The following CRISPLD1 variants were observed in gnomAD, a reference collection of about 807,000 sequenced individuals.
CRISPLD1 encodes cysteine-rich secretory protein LCCL domain-containing 1.
In CRISPLD1, 60 loss-of-function variants were observed where a neutral mutation model predicts 77.5. The ratio of observed to expected loss-of-function variants is 0.77; its 90% CI spans 0.63 to 0.96. CRISPLD1 has a LOEUF of 0.96. Ranked by LOEUF, CRISPLD1 falls within the 40% of genes least tolerant of loss-of-function variation. The probability of loss-of-function intolerance (pLI) is 0.00; values close to 1 mark genes in which losing one functional copy is unlikely to be tolerated. For missense variants in CRISPLD1, 623 were observed against 615.8 expected (o/e 1.01, Z -0.12); for synonymous variants, 195 against 200.1 (o/e 0.97, Z 0.22).
chr8:75,024,061 CCATG>C (rs1269454417), intron 12 of CRISPLD1, among the ~76,000 whole-genome samples: 1 of 152,124 alleles, frequency 6.6e-6, no homozygotes, highest in Non-Finnish European at 1.5e-5. Context: ...GAAGTGCATT[CCATG>C]CAGAGAGGAA....
chr8:74,996,075 A>G (rs1812642588), intron 2 of CRISPLD1, among the ~76,000 whole-genome samples: 2 of 150,652 alleles, frequency 1.3e-5, no homozygotes, highest in Non-Finnish European at 3.0e-5. Context: ...TGTGTTTTAT[A>G]TATATATACA....
chr8:75,019,942 A>T, intron 11 of CRISPLD1, 29 bp downstream of exon 11: 2 of 1,609,514 alleles, frequency 1.2e-6, no homozygotes, highest in Non-Finnish European at 8.5e-7. Flanking sequence ...TTATTTTCTT[A>T]GTACTGTGTA....
At chr8:75,008,628 A>T (rs900217898) in intron 2 of CRISPLD1, among the ~76,000 whole-genome samples, 3 of 152,146 alleles carry the variant, frequency 2.0e-5, no homozygotes, top group African/African-American at 7.2e-5. Context: ...ATAAAGAACT[A>T]AATTTTAGTT....
At position 75,012,978 on chromosome 8, in the gene CRISPLD1, T is replaced by C; in HGVS notation, c.466T>C (p.Cys156Arg). 6.2e-7 allele frequency: 1 copy of C among 1,612,814 alleles called. No homozygotes were observed. Among genetic ancestry groups the C allele is most frequent in the Non-Finnish European group, 8.5e-7 (1 of 1,179,178 alleles). Residue 156 changes from cysteine (C) to arginine (R), a missense_variant, in exon 4 of 15, where the codon TGT becomes CGT. Coordinates refer to ENST00000262207, the MANE Select transcript of CRISPLD1 (RefSeq NM_031461.6). ...ATATGAACATGAATGCAACCCATAT[T>C]GTCCATTCAGGTGTTCTGGCCCTGT... ...YPYEHECNPY[C>R]PFRCSGPVCT...
At chr8:75,028,599 T>A (rs1813276421) in intron 13 of CRISPLD1, among the ~76,000 whole-genome samples, 1 of 152,198 alleles carries the variant, frequency 6.6e-6, no homozygotes, top group East Asian at 1.9e-4. Flanking sequence ...AAAGAAATGA[T>A]CTGACTTTTA....
At chr8:75,018,793 G>C (rs1163328872) in intron 10 of CRISPLD1, among the ~76,000 whole-genome samples, 1 of 148,882 alleles carries the variant, frequency 6.7e-6, no homozygotes, top group Non-Finnish European at 1.5e-5. Context: ...GGTTTCATCA[G>C]GTTGGCGAGG....
Position 74,988,648 on chromosome 8 carries a change from A to G in CRISPLD1, c.258+2403A>G, listed in dbSNP as rs1812529334. Among the ~76,000 whole-genome samples the G allele has an allele frequency of 2.6e-5, 4 of 152,274 alleles. 1 individual carries two copies. In the Middle Eastern group the frequency reaches 0.01, roughly 388 times the overall value. On this transcript the variant is annotated intron_variant, in intron 2 of 14. Coordinates refer to ENST00000262207, the MANE Select transcript of CRISPLD1 (RefSeq NM_031461.6). ...CAGGAGTTCCAGACCAGCCTGGCCA[A>G]CATGGTGAAACCCCGTCTCTACTAA...
At chr8:74,995,021 AT>A in intron 2 of CRISPLD1, among the ~76,000 whole-genome samples, 1 of 152,286 alleles carries the variant, frequency 6.6e-6, no homozygotes, top group East Asian at 1.9e-4. Flanking sequence ...CAGTTAATAT[AT>A]GGAGGCCAAT....
In CRISPLD1 at chr8:75,017,115, T is replaced by C; in HGVS notation, c.996+2T>C. 1 of 1,606,912 alleles carries C rather than the reference T, an allele frequency of 6.2e-7. No homozygotes were observed. Among genetic ancestry groups the C allele is most frequent in the Non-Finnish European group, 8.5e-7 (1 of 1,174,194 alleles). On this transcript the variant is annotated splice_donor_variant, in intron 9 of 14. Transcript: ENST00000262207. LOFTEE classifies it high-confidence loss of function. Reference sequence around the variant, plus strand: ...ATTGGCAGTGTACATTATGAAATGGTAAGTGTTATAAATGTAATTATTTGA... The same window carrying C: ...ATTGGCAGTGTACATTATGAAATGGCAAGTGTTATAAATGTAATTATTTGA...
At chr8:75,005,528 G>A (rs1812814033) in intron 2 of CRISPLD1, among the ~76,000 whole-genome samples, 1 of 152,008 alleles carries the variant, frequency 6.6e-6, no homozygotes, top group Non-Finnish European at 1.5e-5. Flanking sequence ...AATTGATCAC[G>A]AATGCCCTTG....
At chr8:74,986,550 C>G (rs922119242) in intron 2 of CRISPLD1, among the ~76,000 whole-genome samples, 8 of 152,162 alleles carry the variant, frequency 5.3e-5, no homozygotes, top group Non-Finnish European at 1.2e-4. Flanking sequence ...TGTTAATTGA[C>G]TTAGCTGAAA....
rs1340656355 is a variant in CRISPLD1 at position 75,034,145 on chromosome 8, A to G, written c.*1903A>G. 1 of 152,072 alleles carries G rather than the reference A, an allele frequency of 6.6e-6. No individual in the cohort carries two copies. Among genetic ancestry groups the G allele is most frequent in the East Asian group, 1.9e-4 (1 of 5,200 alleles). 9.4% of individuals were successfully genotyped at this position (152,072 alleles called of 1,614,324 possible). On this transcript the variant is annotated 3_prime_UTR_variant, in exon 15 of 15. Transcript: ENST00000262207. ...CAGAACCCTTGAAATTAACTCTTCC[A>G]TGAGTTTTCATTGCTGAAGAAAAAC...
intron 12 of CRISPLD1, among the ~76,000 whole-genome samples, chr8:75,023,668 T>C (rs539310997): frequency 1.1e-4 from 16 of 152,300 alleles, no homozygotes; most frequent in African/African-American, 3.4e-4. Context: ...AGAATACTTT[T>C]AGGAAAATTG....
intron 2 of CRISPLD1, among the ~76,000 whole-genome samples, chr8:75,000,682 G>T (rs183609886): frequency 2.8e-4 from 42 of 152,010 alleles, no homozygotes; most frequent in Admixed American, 8.5e-4. Context: ...GACTTCCATA[G>T]CCTCATTTAC....
At chr8:74,988,556 C>T (rs1468190151) in intron 2 of CRISPLD1, among the ~76,000 whole-genome samples, 2 of 152,104 alleles carry the variant, frequency 1.3e-5, no homozygotes, top group African/African-American at 4.8e-5. Context: ...TGAGTCTGGG[C>T]TGGGCACAGT....
At chr8:75,020,121 C>A in intron 12 of CRISPLD1, 42 bp downstream of exon 12, 1 of 1,492,274 alleles carries the variant, frequency 6.7e-7, no homozygotes, top group Non-Finnish European at 9.3e-7. Context: ...CCTGTGATAA[C>A]TGTTTTTGCC....
chr8:74,985,567 T>G (rs1812482704), intron 1 of CRISPLD1, among the ~76,000 whole-genome samples: 1 of 152,202 alleles, frequency 6.6e-6, no homozygotes, highest in Admixed American at 6.5e-5. Flanking sequence ...ACGTTCTAGG[T>G]AGATATAACA....
chr8:75,007,633 G>A (rs983915567), intron 2 of CRISPLD1, among the ~76,000 whole-genome samples: 11 of 143,814 alleles, frequency 7.6e-5, no homozygotes, highest in African/African-American at 2.4e-4. Flanking sequence ...GCAGTGGCGC[G>A]ATCTTGGGAT....
intron 2 of CRISPLD1, among the ~76,000 whole-genome samples, chr8:75,004,742 A>G (rs896007687): frequency 2.0e-5 from 3 of 152,200 alleles, no homozygotes; most frequent in African/African-American, 7.2e-5. Context: ...ATTTTAAAGC[A>G]GTATTTTTAA....
Sources: gnomAD v4.1 joint callset for allele counts (sites outside exome capture counted in the v4.1 genomes callset) on GRCh38, gnomAD v4.1.1 for gene constraint, MANE v1.5 for transcripts, NCBI Gene and HGNC (gene_info 2026-07-23, HGNC 2026-07-21) for gene names.